The following SPOPL variants were observed in gnomAD, a reference collection of about 807,000 sequenced individuals.
SPOPL encodes speckle-type POZ protein-like.
SPOPL carries 23 observed loss-of-function variants against 53.8 expected under a neutral mutation model. The ratio of observed to expected loss-of-function variants is 0.43; its 90% CI spans 0.31 to 0.61. The LOEUF (loss-of-function observed/expected upper bound fraction) is 0.61, where lower values mean the gene tolerates loss of function less well. Among genes scored for constraint, SPOPL ranks in the 20% least tolerant of loss-of-function variants. The probability of loss-of-function intolerance (pLI) is 0.12; values close to 1 mark genes in which losing one functional copy is unlikely to be tolerated. For synonymous variants in SPOPL, 164 were observed against 149.7 expected, an observed-to-expected ratio of 1.10 and a Z score of -0.70; for missense variants, 442 against 466.9, an observed-to-expected ratio of 0.95 and a Z score of 0.49.
chr2:138,560,450 GTT>G (rs75280337), intron 7 of SPOPL, among the ~76,000 whole-genome samples: 13 of 143,684 alleles, frequency 9.0e-5, no homozygotes, highest in East Asian at 6.0e-4. Flanking sequence ...TTGTTTACTT[GTT>G]TTTTTTTTTT....
chr2:138,506,096 C>T (rs2104852121), intron 1 of SPOPL, among the ~76,000 whole-genome samples: 1 of 152,256 alleles, frequency 6.6e-6, no homozygotes, highest in Middle Eastern at 3.4e-3. Context: ...TGTTAAACAG[C>T]TGAATAAGTT....
At chr2:138,527,624 C>G (rs994668928) in intron 1 of SPOPL, among the ~76,000 whole-genome samples, 1 of 152,170 alleles carries the variant, frequency 6.6e-6, no homozygotes, top group Non-Finnish European at 1.5e-5. Context: ...ACCATTCAGT[C>G]CCCTGAATTG....
intron 1 of SPOPL, among the ~76,000 whole-genome samples, chr2:138,545,495 G>A (rs112214862): frequency 5.1e-4 from 77 of 151,718 alleles, no homozygotes; most frequent in African/African-American, 1.8e-3. Flanking sequence ...GTGCAGTGGC[G>A]TGATCTCAGC....
At chr2:138,545,780 C>G (rs1685182193) in intron 1 of SPOPL, among the ~76,000 whole-genome samples, 1 of 152,158 alleles carries the variant, frequency 6.6e-6, no homozygotes, top group African/African-American at 2.4e-5. Context: ...TTCAAACAAG[C>G]TGATTCTGAC....
At chr2:138,514,642 T>C (rs768692423) in intron 1 of SPOPL, among the ~76,000 whole-genome samples, 1 of 152,178 alleles carries the variant, frequency 6.6e-6, no homozygotes, top group Non-Finnish European at 1.5e-5. Flanking sequence ...CCGTCATGAA[T>C]AGAGTCCCTG....
Position 138,550,935 on chromosome 2 carries a change from A to T in SPOPL, c.233A>T (p.Asp78Val). 6.2e-7 allele frequency: 1 copy of T among 1,613,092 alleles called. No individual in the cohort carries two copies. Among genetic ancestry groups the T allele is most frequent in the Non-Finnish European group, 8.5e-7 (1 of 1,179,442 alleles). The change falls in exon 4 of 11, where the codon GAT (aspartate) becomes GTT (valine). Residue 78 changes from aspartate to valine, a missense_variant. Asp to Val is a radical substitution (Grantham distance 152). Coordinates refer to ENST00000280098, the MANE Select transcript of SPOPL (RefSeq NM_001001664.3). ...AGGGTAAACCCAAAGGGATTAGATG[A>T]TGAAAGTAAAGACTACTTGTCCTTA... Reference protein sequence around the residue: ...CLRVNPKGLDDESKDYLSLYL... With the variant: ...CLRVNPKGLDVESKDYLSLYL...
chr2:138,523,876 G>A (rs545698300), intron 1 of SPOPL, among the ~76,000 whole-genome samples: 2 of 152,224 alleles, frequency 1.3e-5, no homozygotes, highest in South Asian at 2.1e-4. Flanking sequence ...GAGTGTCTGC[G>A]GGTTTTCCAG....
intron 1 of SPOPL, among the ~76,000 whole-genome samples, chr2:138,546,822 AATATCTTGTAAAGTGCTCACAC>A (rs1291362621): frequency 2.6e-5 from 4 of 152,210 alleles, no homozygotes; most frequent in African/African-American, 9.6e-5. Context: ...CAACATATAT[AATATCTTGTAAAGTGCTCACAC>A]ATACAGTCTG....
At chr2:138,555,131 G>GGTGTGT (rs61000380) in intron 5 of SPOPL, among the ~76,000 whole-genome samples, 28,057 of 139,878 alleles carry the variant, frequency 0.2, 3,149 homozygotes, top group Middle Eastern at 0.27. Flanking sequence ...AGGGTAGGAG[G>GGTGTGT]GTGTGTGTGT....
chr2:138,567,346 G>A (rs1315567098), intron 10 of SPOPL, among the ~76,000 whole-genome samples: 4 of 149,032 alleles, frequency 2.7e-5, no homozygotes, highest in African/African-American at 7.4e-5. Flanking sequence ...GATGCGCAAA[G>A]TTTTAACAAT....
intron 1 of SPOPL, among the ~76,000 whole-genome samples, chr2:138,511,838 CAG>C (rs1684330901): frequency 1.3e-5 from 2 of 152,142 alleles, no homozygotes; most frequent in Non-Finnish European, 2.9e-5. Flanking sequence ...CTCCAGGCAT[CAG>C]AGCATAGAGA....
intron 10 of SPOPL, among the ~76,000 whole-genome samples, chr2:138,568,603 A>C (rs1685714774): frequency 6.6e-6 from 1 of 152,190 alleles, no homozygotes; most frequent in Non-Finnish European, 1.5e-5. Context: ...TTTGTAACTC[A>C]AGAGAAAATC....
At chr2:138,525,088 A>G (rs1030226188) in intron 1 of SPOPL, among the ~76,000 whole-genome samples, 2 of 152,196 alleles carry the variant, frequency 1.3e-5, no homozygotes, top group African/African-American at 2.4e-5. Context: ...ATAAAGACAT[A>G]CCTGAGACCA....
In SPOPL at chr2:138,559,165, A is replaced by G. The variant is rs1344109943; in HGVS notation, c.624A>G (p.Gly208=). ...RFTDCSFFVR[G]QEFKAHKSVL... Reference sequence around the variant, plus strand: ...CAGACTGCAGTTTTTTCGTGAGAGGACAAGAATTTAAAGCTCATAAATCTG... The same window carrying G: ...CAGACTGCAGTTTTTTCGTGAGAGGGCAAGAATTTAAAGCTCATAAATCTG... The change falls in exon 6 of 11, where the codon GGA becomes GGG. Residue 208 remains glycine, a synonymous_variant. Transcript: ENST00000280098. The G allele has an allele frequency of 6.2e-7, 1 of 1,613,618 alleles. No individual in the cohort carries two copies. Among genetic ancestry groups the G allele is most frequent in the Non-Finnish European group, 8.5e-7 (1 of 1,179,820 alleles).
intron 1 of SPOPL, among the ~76,000 whole-genome samples, chr2:138,509,705 A>T (rs1225455936): frequency 6.6e-6 from 1 of 152,152 alleles, no homozygotes; most frequent in Non-Finnish European, 1.5e-5. Context: ...AGCCTCCTCC[A>T]TTATCACCAT....
At chr2:138,559,694 C>G (rs1685503903) in intron 7 of SPOPL, among the ~76,000 whole-genome samples, 1 of 152,182 alleles carries the variant, frequency 6.6e-6, no homozygotes, top group African/African-American at 2.4e-5. Flanking sequence ...TTTTTGGAAT[C>G]TGTTTTCTAG....
chr2:138,567,172 G>A (rs1685678321), intron 10 of SPOPL, among the ~76,000 whole-genome samples: 1 of 152,122 alleles, frequency 6.6e-6, no homozygotes, highest in Non-Finnish European at 1.5e-5. Context: ...GCAGTAAAGC[G>A]TGATGATAGG....
intron 10 of SPOPL, among the ~76,000 whole-genome samples, chr2:138,565,652 G>C (rs1308267671): frequency 6.6e-6 from 1 of 151,934 alleles, no homozygotes; most frequent in African/African-American, 2.4e-5. Context: ...TGAAGTGTTT[G>C]CATCTGCTTT....
chr2:138,561,049 A>G, intron 8 of SPOPL, 122 bp downstream of exon 8: 1 of 1,211,942 alleles, frequency 8.3e-7, no homozygotes. Context: ...GAGCTTTATG[A>G]AATAGCATAC....
Sources: gnomAD v4.1 joint callset for allele counts (sites outside exome capture counted in the v4.1 genomes callset) on GRCh38, gnomAD v4.1.1 for gene constraint, MANE v1.5 for transcripts, NCBI Gene and HGNC (gene_info 2026-07-23, HGNC 2026-07-21) for gene names.